Variants in CSNK1G3 observed in about 807,000 individuals in gnomAD.
CSNK1G3 encodes the protein casein kinase 1 gamma 3.
CSNK1G3 carries 23 observed loss-of-function variants against 64.3 expected under a neutral mutation model. That is an observed-to-expected ratio of 0.36 (90% CI 0.26 to 0.51). The LOEUF is 0.51. Among genes scored for constraint, CSNK1G3 ranks in the 20% least tolerant of loss-of-function variants. CSNK1G3 has a pLI of 0.96. For synonymous variants in CSNK1G3, 158 were observed against 162.2 expected, an observed-to-expected ratio of 0.97 and a Z score of 0.20; for missense variants, 357 against 510.5, an observed-to-expected ratio of 0.70 and a Z score of 2.90.
intron 7 of CSNK1G3, 41 bp downstream of exon 7, chr5:123,588,194 T>C: frequency 7.3e-7 from 1 of 1,373,156 alleles, no homozygotes; most frequent in Non-Finnish European, 1.0e-6. Flanking sequence ...TCATAAAATA[T>C]TAAGATATTA....
intron 7 of CSNK1G3, 120 bp from the exon 8 acceptor site, chr5:123,588,307 G>A: frequency 9.6e-7 from 1 of 1,042,852 alleles, no homozygotes; most frequent in Non-Finnish European, 1.5e-6. Context: ...AAACTCCTGG[G>A]CTCAAGCATT....
At chr5:123,586,233 A>C (rs1164677298) in intron 6 of CSNK1G3, among the ~76,000 whole-genome samples, 1 of 152,132 alleles carries the variant, frequency 6.6e-6, no homozygotes, top group Admixed American at 6.5e-5. Flanking sequence ...GAAGGCAGAT[A>C]AGTGGTTGCC....
chr5:123,552,997 A>T, intron 2 of CSNK1G3, 110 bp from the exon 3 acceptor site: 1 of 552,692 alleles, frequency 1.8e-6, no homozygotes, highest in Non-Finnish European at 3.2e-6. Flanking sequence ...AGAAGCAAAA[A>T]CCTATGCTTT....
rs375799322 is a variant in CSNK1G3 at position 123,547,933 on chromosome 5, A to G, written c.178+2092A>G. ...ATACCTGGATAAACACTAATGTTAA[A>G]AGCTGGTTTATATTCTTAAAGTACT... On this transcript the variant is annotated intron_variant, in intron 2 of 12. Coordinates refer to ENST00000345990, the Ensembl canonical transcript of CSNK1G3. Among the ~76,000 whole-genome samples, 4 of 152,278 alleles carry G rather than the reference A, an allele frequency of 2.6e-5. No homozygotes were observed. The South Asian group carries it at 8.3e-4, about 32-fold the overall frequency.
At chr5:123,562,815 T>C (rs892401046) in intron 4 of CSNK1G3, among the ~76,000 whole-genome samples, 7 of 152,078 alleles carry the variant, frequency 4.6e-5, no homozygotes, top group African/African-American at 1.7e-4. Context: ...ATATTAAAAC[T>C]TGCTGAACTA....
chr5:123,573,782 T>A (rs1788573699), intron 5 of CSNK1G3, among the ~76,000 whole-genome samples: 1 of 152,082 alleles, frequency 6.6e-6, no homozygotes, highest in Non-Finnish European at 1.5e-5. Flanking sequence ...GTTTGCAAAT[T>A]AAGTTGTTGC....
chr5:123,588,443 A>G, exon 8 of CSNK1G3: 2 of 1,611,792 alleles, frequency 1.2e-6, no homozygotes, highest in South Asian at 1.1e-5. Context: ...ACATTAAAGG[A>G]GAGGTATCAG....
At chr5:123,587,474 A>C (rs2150937637) in intron 6 of CSNK1G3, among the ~76,000 whole-genome samples, 1 of 152,292 alleles carries the variant, frequency 6.6e-6, no homozygotes, top group African/African-American at 2.4e-5. Flanking sequence ...ACATTTTGTT[A>C]CAACAACAAC....
chr5:123,520,444 G>C (rs1195066132), intron 1 of CSNK1G3, among the ~76,000 whole-genome samples: 1 of 148,486 alleles, frequency 6.7e-6, no homozygotes, highest in Non-Finnish European at 1.5e-5. Flanking sequence ...AGCTGTCACT[G>C]TGCATTATTT....
At chr5:123,607,020 G>C (rs182897465) in intron 12 of CSNK1G3, among the ~76,000 whole-genome samples, 1 of 152,190 alleles carries the variant, frequency 6.6e-6, no homozygotes, top group Non-Finnish European at 1.5e-5. Context: ...AGGTGGCTCT[G>C]AAGAATGGCA....
At chr5:123,610,017 T>G (rs1447268741) in intron 12 of CSNK1G3, among the ~76,000 whole-genome samples, 1 of 152,138 alleles carries the variant, frequency 6.6e-6, no homozygotes, top group African/African-American at 2.4e-5. Context: ...AGTTGAAAAG[T>G]TCAGAACTCA....
intron 10 of CSNK1G3, among the ~76,000 whole-genome samples, chr5:123,591,916 A>G (rs1195397048): frequency 6.6e-6 from 1 of 152,130 alleles, no homozygotes; most frequent in Non-Finnish European, 1.5e-5. Context: ...TGGGCAAATA[A>G]GTTAATCTGT....
chr5:123,539,736 C>T (rs1321561565), intron 1 of CSNK1G3, among the ~76,000 whole-genome samples: 2 of 152,062 alleles, frequency 1.3e-5, no homozygotes, highest in Non-Finnish European at 2.9e-5. Flanking sequence ...AGCTTTAGAA[C>T]AGTATTACTT....
chr5:123,580,719 A>G lies in CSNK1G3; in HGVS notation c.673+4756A>G, dbSNP rs191448267. On this transcript the variant is annotated intron_variant, in intron 6 of 12. Coordinates refer to ENST00000345990, the Ensembl canonical transcript of CSNK1G3. ...CCTCATAATCTTCCTTTGGATGACTATTTTTCCCTTTTATGTCTTCTCTTG... is the reference window on the plus strand; with the variant it reads ...CCTCATAATCTTCCTTTGGATGACTGTTTTTCCCTTTTATGTCTTCTCTTG... Among the ~76,000 whole-genome samples the G allele has an allele frequency of 5.9e-3, 890 of 152,012 alleles. 13 individuals are homozygous for G. Among genetic ancestry groups the G allele is most frequent in the African/African-American group, 0.021 (853 of 41,512 alleles).
At chr5:123,596,127 T>C (rs2151042655) in intron 10 of CSNK1G3, among the ~76,000 whole-genome samples, 1 of 152,232 alleles carries the variant, frequency 6.6e-6, no homozygotes, top group Non-Finnish European at 1.5e-5. Flanking sequence ...TGATTAAATC[T>C]TATGAGCCCT....
chr5:123,573,751 G>A (rs1396471855), intron 5 of CSNK1G3, among the ~76,000 whole-genome samples: 3 of 151,840 alleles, frequency 2.0e-5, no homozygotes, highest in Non-Finnish European at 4.4e-5. Flanking sequence ...ACTAATAATT[G>A]CTTTAAGATC....
intron 10 of CSNK1G3, among the ~76,000 whole-genome samples, chr5:123,599,273 T>G (rs1794009813): frequency 6.6e-6 from 1 of 152,206 alleles, no homozygotes; most frequent in Non-Finnish European, 1.5e-5. Flanking sequence ...TTTGGAAATC[T>G]CTTATAGTTG....
At chr5:123,583,819 A>G (rs1272154160) in intron 6 of CSNK1G3, among the ~76,000 whole-genome samples, 1 of 152,098 alleles carries the variant, frequency 6.6e-6, no homozygotes, top group Non-Finnish European at 1.5e-5. Context: ...AACTGGGACT[A>G]CAGGTGCATG....
At chr5:123,611,273 G>T (rs1241342293) in intron 12 of CSNK1G3, among the ~76,000 whole-genome samples, 1 of 152,140 alleles carries the variant, frequency 6.6e-6, no homozygotes, top group Non-Finnish European at 1.5e-5. Flanking sequence ...GGATGCATTT[G>T]TATCACATAA....
Sources: allele counts gnomAD v4.1 joint callset (sites outside exome capture counted in the v4.1 genomes callset), GRCh38; gene constraint gnomAD v4.1.1; transcripts MANE v1.5; gene names NCBI Gene and HGNC (gene_info 2026-07-23, HGNC 2026-07-21).